ASAP1: variants seen among roughly 807,000 people sequenced by gnomAD.
ASAP1 encodes the protein arf-GAP with SH3 domain, ANK repeat and PH domain-containing protein 1.
A neutral mutation model predicts 145.2 loss-of-function variants in ASAP1; 43 were observed. The observed-to-expected ratio is 0.30, with a 90% CI of 0.23 to 0.38. The LOEUF (loss-of-function observed/expected upper bound fraction) is 0.38, where lower values mean the gene tolerates loss of function less well. Ranked by LOEUF, ASAP1 falls within the 10% of genes least tolerant of loss-of-function variation. The probability of loss-of-function intolerance (pLI) is 1.00; values close to 1 mark genes in which losing one functional copy is unlikely to be tolerated. For synonymous variants in ASAP1, 546 were observed against 515.5 expected (o/e 1.06, Z -0.80); for missense variants, 1,018 against 1,355.3 (o/e 0.75, Z 3.91).
chr8:130,142,225 A>G (rs1490541701), intron 13 of ASAP1, among the ~76,000 whole-genome samples: 1 of 152,096 alleles, frequency 6.6e-6, no homozygotes, highest in Non-Finnish European at 1.5e-5. Context: ...TTCTGCGGTC[A>G]CTCTGCAGTC....
At chr8:130,278,316 T>C (rs1292258903) in intron 3 of ASAP1, among the ~76,000 whole-genome samples, 1 of 152,006 alleles carries the variant, frequency 6.6e-6, no homozygotes, top group Non-Finnish European at 1.5e-5. Flanking sequence ...TCCCATAATC[T>C]AGACATATTT....
chr8:130,302,679 G>A (rs1209340836), intron 3 of ASAP1, among the ~76,000 whole-genome samples: 1 of 152,184 alleles, frequency 6.6e-6, no homozygotes, highest in East Asian at 1.9e-4. Context: ...AGGGGCACGT[G>A]GGGACATCTC....
In ASAP1 at chr8:130,334,713, G is replaced by A. The variant is rs1310627295; in HGVS notation, c.186+23304C>T. Among the ~76,000 whole-genome samples, 3 of 152,184 alleles carry A rather than the reference G, an allele frequency of 2.0e-5. No individual in the cohort carries two copies. In the South Asian group the frequency reaches 6.2e-4, roughly 32 times the overall value. Reference sequence around the variant, plus strand: ...GATTTCCTGTTTCTTTCACACTTTTGGCAGCCATGTGCCATGTCACAGAGT... The same window carrying A: ...GATTTCCTGTTTCTTTCACACTTTTAGCAGCCATGTGCCATGTCACAGAGT... On this transcript the variant is annotated intron_variant, in intron 3 of 29. Coordinates refer to ENST00000518721, the MANE Select transcript of ASAP1 (RefSeq NM_018482.4).
chr8:130,077,455 C>G (rs2097465380), intron 26 of ASAP1, among the ~76,000 whole-genome samples: 2 of 152,068 alleles, frequency 1.3e-5, no homozygotes, highest in South Asian at 2.1e-4. Flanking sequence ...TGCCTGAGCC[C>G]CATCTGCCAA....
chr8:130,097,156 AAAAAAG>A (rs1205087364), intron 24 of ASAP1, among the ~76,000 whole-genome samples: 32 of 131,950 alleles, frequency 2.4e-4, no homozygotes, highest in African/African-American at 8.1e-4. Flanking sequence ...AAAAAAAAAA[AAAAAAG>A]TCCTTGAAAA....
At chr8:130,349,086 G>C (rs1825853182) in intron 3 of ASAP1, among the ~76,000 whole-genome samples, 1 of 152,192 alleles carries the variant, frequency 6.6e-6, no homozygotes, top group South Asian at 2.1e-4. Context: ...GGTCAAAGTG[G>C]GCAGCACTGG....
At chr8:130,197,710 C>T (rs1586574476) in intron 5 of ASAP1, among the ~76,000 whole-genome samples, 1 of 152,222 alleles carries the variant, frequency 6.6e-6, no homozygotes, top group Non-Finnish European at 1.5e-5. Flanking sequence ...GCAGATGCAC[C>T]TGAATGTGTG....
intron 1 of ASAP1, among the ~76,000 whole-genome samples, chr8:130,441,932 A>G (rs185027865): frequency 8.8e-4 from 134 of 152,334 alleles, no homozygotes; most frequent in Non-Finnish European, 5.1e-4. Context: ...TTATGTGCTA[A>G]GATACTGCCC....
rs1554816411 is a variant in ASAP1, at chr8:130,072,825, G to GCGCGTGTGCGCGCGCGCGCGCA, written c.2701+3522_2701+3523insTGCGCGCGCGCGCGCACACGCG. Among the ~76,000 whole-genome samples the GCGCGTGTGCGCGCGCGCGCGCA allele has an allele frequency of 8.5e-4, 46 of 54,114 alleles. 4 individuals carry two copies. Among genetic ancestry groups the GCGCGTGTGCGCGCGCGCGCGCA allele is most frequent in the Admixed American group, 4.2e-3 (24 of 5,780 alleles). 35.5% of individuals were successfully genotyped at this position (54,114 alleles called of 152,430 possible). ...TGTGTGTGTGTGTGTGTGTGTGTGT[G>GCGCGTGTGCGCGCGCGCGCGCA]CGCGCGGGGGGGGGCAGTTTTGGGG... is the stretch of plus-strand genomic sequence containing the variant. On this transcript the variant is annotated intron_variant, in intron 27 of 29. Transcript: ENST00000518721.
chr8:130,189,722 G>A (rs1450089588), intron 5 of ASAP1, among the ~76,000 whole-genome samples: 2 of 152,134 alleles, frequency 1.3e-5, no homozygotes, highest in African/African-American at 4.8e-5. Context: ...GTTTTCTGAG[G>A]AGCCTCTATA....
At chr8:130,279,796 T>C (rs1456328383) in intron 3 of ASAP1, among the ~76,000 whole-genome samples, 1 of 152,214 alleles carries the variant, frequency 6.6e-6, no homozygotes, top group East Asian at 1.9e-4. Context: ...CATAGAGCGT[T>C]AAGCAGGAAA....
intron 1 of ASAP1, among the ~76,000 whole-genome samples, chr8:130,421,888 G>T (rs767777835): frequency 2.0e-5 from 3 of 152,166 alleles, no homozygotes; most frequent in Non-Finnish European, 2.9e-5. Context: ...TCCAAAAAAG[G>T]CTTCACCTGA....
At chr8:130,241,111 A>C (rs1818501021) in intron 3 of ASAP1, among the ~76,000 whole-genome samples, 1 of 152,100 alleles carries the variant, frequency 6.6e-6, no homozygotes, top group Non-Finnish European at 1.5e-5. Context: ...GAATCTGACC[A>C]TGCCTGCTCA....
At chr8:130,214,838 G>T in intron 4 of ASAP1, 137 bp from the exon 5 acceptor site, 1 of 684,950 alleles carries the variant, frequency 1.5e-6, no homozygotes, top group Non-Finnish European at 2.4e-6. Context: ...ATGTCCCAAA[G>T]GTTAGGTTAG....
intron 3 of ASAP1, among the ~76,000 whole-genome samples, chr8:130,290,832 C>T (rs1180084361): frequency 3.9e-5 from 6 of 152,202 alleles, no homozygotes; most frequent in African/African-American, 1.2e-4. Context: ...TACCGTATCA[C>T]ACAGACTTTC....
At chr8:130,186,466 T>A (rs1172459262) in intron 7 of ASAP1, among the ~76,000 whole-genome samples, 1 of 152,148 alleles carries the variant, frequency 6.6e-6, no homozygotes, top group Non-Finnish European at 1.5e-5. Context: ...AATACATATC[T>A]CCTCCCACCC....
chr8:130,168,389 A>T (rs369234601), intron 10 of ASAP1, among the ~76,000 whole-genome samples: 2 of 152,342 alleles, frequency 1.3e-5, no homozygotes, highest in East Asian at 3.9e-4. Flanking sequence ...TCACGCTTGT[A>T]ATCCCAGCAC....
intron 2 of ASAP1, among the ~76,000 whole-genome samples, chr8:130,390,446 A>G (rs1222556729): frequency 1.3e-5 from 2 of 152,170 alleles, no homozygotes; most frequent in African/African-American, 4.8e-5. Context: ...CTCAGTCAAG[A>G]TTTCCCGGAA....
At chr8:130,174,936 G>A (rs1813850797) in intron 9 of ASAP1, among the ~76,000 whole-genome samples, 1 of 152,060 alleles carries the variant, frequency 6.6e-6, no homozygotes, top group African/African-American at 2.4e-5. Context: ...TTTGTTTATT[G>A]TAAATAACGC....
Sources: allele counts gnomAD v4.1 joint callset (sites outside exome capture counted in the v4.1 genomes callset), GRCh38; gene constraint gnomAD v4.1.1; transcripts MANE v1.5; gene names NCBI Gene and HGNC (gene_info 2026-07-23, HGNC 2026-07-21).